FZR1: variants seen among roughly 807,000 people sequenced by gnomAD.
FZR1 encodes fizzy-related protein homolog.
FZR1 carries 11 observed loss-of-function variants against 63.6 expected under a neutral mutation model. That is an observed-to-expected ratio of 0.17 (90% CI 0.11 to 0.29). FZR1 has a LOEUF of 0.29. FZR1 is among the 10% of genes least tolerant of loss of function. The pLI is 1.00. For missense variants in FZR1, 440 were observed against 687.5 expected (o/e 0.64, Z 4.03); for synonymous variants, 328 against 297.9 (o/e 1.10, Z -1.04).
In FZR1 at chr19:3,510,870, G is replaced by A. The variant is rs887793257; in HGVS notation, c.-35+4396G>A. ...GTGGAGGCCAGTGATGCTGCTCAGC[G>A]CCCCGCAGAGCCCAGGACTCCCCGC... On this transcript the variant is annotated intron_variant, in intron 1 of 13. Transcript: ENST00000441788. 4.6e-5 allele frequency among the ~76,000 whole-genome samples: 7 copies of A among 152,342 alleles called. No individual in the cohort carries two copies. The South Asian group carries it at 1.2e-3, about 27-fold the overall frequency.
At chr19:3,534,389 A>C in intron 12 of FZR1, 32 bp from the exon 13 acceptor site, 1 of 1,272,394 alleles carries the variant, frequency 7.9e-7, no homozygotes, top group Non-Finnish European at 1.1e-6. Flanking sequence ...CTAGAGGCCC[A>C]GAGACATGGG....
At chr19:3,519,682 G>T (rs1354907925) in intron 1 of FZR1, among the ~76,000 whole-genome samples, 1 of 152,176 alleles carries the variant, frequency 6.6e-6, no homozygotes, top group Admixed American at 6.5e-5. Context: ...CTCTGTGGCT[G>T]CACGCACCAC....
intron 1 of FZR1, among the ~76,000 whole-genome samples, chr19:3,506,856 C>G (rs1420372332): frequency 6.6e-6 from 1 of 152,168 alleles, no homozygotes; most frequent in African/African-American, 2.4e-5. Context: ...GCAGACCCCG[C>G]CTCCTAACCC....
At position 3,534,701 on chromosome 19, in the gene FZR1, C is replaced by T. The variant is rs557355706; in HGVS notation, c.1441-94C>T. 2.1e-4 allele frequency: 250 copies of T among 1,211,848 alleles called. 2 individuals are homozygous for T. In the South Asian group the frequency reaches 2.9e-3, roughly 14 times the overall value. 75.1% of individuals were successfully genotyped at this position (1,211,848 alleles called of 1,614,324 possible). A position where few individuals can be genotyped will look rare whatever the true frequency, so the allele number is the denominator to read the frequency against. ...AGGCTGAACTGGCACCTCCCAGCCC[C>T]TCAGGACCAAGCCCCAAAGCCTTGG... is the stretch of plus-strand genomic sequence containing the variant. On this transcript the variant is annotated intron_variant, in intron 13 of 13. Transcript: ENST00000441788.
rs2083283062 is a variant in FZR1 at position 3,535,052 on chromosome 19, A to T, written c.*216A>T. 1 of 589,958 alleles carries T rather than the reference A, an allele frequency of 1.7e-6. No individual in the cohort carries two copies. Among genetic ancestry groups the T allele is most frequent in the South Asian group, 2.0e-5 (1 of 50,416 alleles). 36.5% of individuals were successfully genotyped at this position (589,958 alleles called of 1,614,324 possible). On this transcript the variant is annotated 3_prime_UTR_variant, in exon 14 of 14. Transcript: ENST00000441788. ...GGTGGGCACGTGGTCGGGGACCCTC[A>T]GCAGCAGGGGCTCTGTCTCCCTTCC...
intron 2 of FZR1, among the ~76,000 whole-genome samples, chr19:3,524,896 G>A (rs535186536): frequency 9.2e-5 from 14 of 152,258 alleles, no homozygotes; most frequent in African/African-American, 3.1e-4. Context: ...GCTTCCTCTT[G>A]AGTATAATCA....
At chr19:3,513,941 G>C (rs542927006) in intron 1 of FZR1, among the ~76,000 whole-genome samples, 2 of 152,258 alleles carry the variant, frequency 1.3e-5, no homozygotes, top group South Asian at 4.1e-4. Context: ...AATTCCTTTT[G>C]TCCGTTAAAG....
chr19:3,529,662 G>GAGAGCGGA (rs2083211109), intron 7 of FZR1, among the ~76,000 whole-genome samples: 1 of 150,080 alleles, frequency 6.7e-6, no homozygotes, highest in African/African-American at 2.5e-5. Flanking sequence ...GAGCGGATGG[G>GAGAGCGGA]TGAGTGGATG....
intron 1 of FZR1, chr19:3,521,359 G>C (rs1463851699): frequency 6.6e-6 from 1 of 152,202 alleles, no homozygotes; most frequent in South Asian, 2.1e-4. Flanking sequence ...ACCTGCCAAA[G>C]AAGTCACCAG....
chr19:3,527,320 C>A lies in FZR1; in HGVS notation c.470+258C>A, dbSNP rs574447363. Among the ~76,000 whole-genome samples the A allele has an allele frequency of 3.3e-5, 5 of 152,300 alleles. No individual in the cohort carries two copies. The East Asian group carries it at 9.7e-4, about 29-fold the overall frequency. ...CAGGCCTAGAGCAGCCCAGAGATCCCCTTGCTGAGGGCACACCATGGCCTG... is the reference window on the plus strand; with the variant it reads ...CAGGCCTAGAGCAGCCCAGAGATCCACTTGCTGAGGGCACACCATGGCCTG... On this transcript the variant is annotated intron_variant, in intron 6 of 13. Coordinates refer to ENST00000441788, the MANE Select transcript of FZR1 (RefSeq NM_016263.4).
In FZR1 at chr19:3,508,455, C is replaced by T. The variant is rs528357964; in HGVS notation, c.-35+1981C>T. The stretch of plus-strand genomic sequence containing the variant: ...GGCGATCTGCCCGCCTCGAGGCCTC[C>T]CAAAGTGCTGTGATTACAGGCGTGC... On this transcript the variant is annotated intron_variant, in intron 1 of 13. Transcript: ENST00000441788. 2.0e-5 allele frequency among the ~76,000 whole-genome samples: 3 copies of T among 152,286 alleles called. No homozygotes were observed. The East Asian group carries it at 5.8e-4, about 29-fold the overall frequency.
intron 1 of FZR1, among the ~76,000 whole-genome samples, chr19:3,508,200 C>CTT (rs71166908): frequency 0.042 from 3,809 of 91,016 alleles, 466 homozygotes; most frequent in African/African-American, 0.14. Context: ...CATTGATTTT[C>CTT]TTTTTTTTTT....
chr19:3,519,686 G>A (rs557427615), intron 1 of FZR1, among the ~76,000 whole-genome samples: 6 of 152,148 alleles, frequency 3.9e-5, no homozygotes, highest in Admixed American at 1.3e-4. Flanking sequence ...GTGGCTGCAC[G>A]CACCACCTCT....
rs1401854675 is a variant in FZR1 at position 3,526,949 on chromosome 19, G to A, written c.388-31G>A. On this transcript the variant is annotated intron_variant, in intron 5 of 13. Transcript: ENST00000441788. The surrounding 1 kb of genome is among the most constrained non-coding windows in gnomAD (Gnocchi z 5.4). Reference sequence around the variant, plus strand: ...TCTGAGGGTCCTGCGGCCTGGGCGTGCGCTCAGCTGGCATGTCCCCCGCTC... The same window carrying A: ...TCTGAGGGTCCTGCGGCCTGGGCGTACGCTCAGCTGGCATGTCCCCCGCTC... 1 of 1,540,252 alleles carries A rather than the reference G, an allele frequency of 6.5e-7. No homozygotes were observed.
At position 3,533,533 on chromosome 19, in the gene FZR1, G is replaced by A; in HGVS notation, c.1347+135G>A. On this transcript the variant is annotated intron_variant, in intron 12 of 13. Transcript: ENST00000441788. This position sits in a 1 kb window ranked among gnomAD's most constrained non-coding sequence, Gnocchi z 4.9. ...AAACCCCGTGGGACCCAGCAGCAGG[G>A]GCCGGCAGGGCATCTGGTGCTGGTT... 1.6e-6 allele frequency: 1 copy of A among 622,232 alleles called. No homozygotes were observed. Among genetic ancestry groups the A allele is most frequent in the Non-Finnish European group, 2.9e-6 (1 of 343,640 alleles). 38.5% of individuals were successfully genotyped at this position (622,232 alleles called of 1,614,324 possible). A position where few individuals can be genotyped will look rare whatever the true frequency, so the allele number is the denominator to read the frequency against.
At position 3,512,384 on chromosome 19, in the gene FZR1, A is replaced by G. The variant is rs561414742; in HGVS notation, c.-35+5910A>G. 1.1e-4 allele frequency among the ~76,000 whole-genome samples: 16 copies of G among 152,314 alleles called. 3 individuals carry two copies. The South Asian group carries it at 3.3e-3, about 32-fold the overall frequency. ...TGCCTGATTTCACAGCTTCCTAGGC[A>G]GGCAGTGTTGTCCCTGCTTAACTGA... On this transcript the variant is annotated intron_variant, in intron 1 of 13. Coordinates refer to ENST00000441788, the MANE Select transcript of FZR1 (RefSeq NM_016263.4).
At chr19:3,521,735 C>T (rs1349095848) in intron 1 of FZR1, among the ~76,000 whole-genome samples, 1 of 152,142 alleles carries the variant, frequency 6.6e-6, no homozygotes, top group East Asian at 1.9e-4. Context: ...TTCCTGACCT[C>T]GTGATCCACC....
rs1186163927 is a variant in FZR1 at position 3,536,327 on chromosome 19, C to A, written c.*1491C>A. On this transcript the variant is annotated 3_prime_UTR_variant, in exon 14 of 14. Coordinates refer to ENST00000441788, the MANE Select transcript of FZR1 (RefSeq NM_016263.4). ...CCGTCATTTCAAGCGGGTCGATCTT[C>A]CACATTCACTGGAGAGACTCTCCCC... The A allele has an allele frequency of 6.6e-6, 1 of 152,180 alleles. No individual in the cohort carries two copies. Among genetic ancestry groups the A allele is most frequent in the African/African-American group, 2.4e-5 (1 of 41,430 alleles). The allele number at this position is 152,180 out of a possible 1,614,324, so 9.4% of individuals were successfully genotyped here.
chr19:3,513,106 G>A (rs2083035369), intron 1 of FZR1, among the ~76,000 whole-genome samples: 1 of 152,032 alleles, frequency 6.6e-6, no homozygotes, highest in Non-Finnish European at 1.5e-5. Context: ...CAGGTGGTCT[G>A]GGGACACCTG....
Sources: gnomAD v4.1 joint callset for allele counts (sites outside exome capture counted in the v4.1 genomes callset) on GRCh38, gnomAD v4.1.1 for gene constraint, Gnocchi (gnomAD v3.1) non-coding constraint, MANE v1.5 for transcripts, NCBI Gene and HGNC (gene_info 2026-07-23, HGNC 2026-07-21) for gene names.